RNF43: variants seen among roughly 807,000 people sequenced by gnomAD.
RNF43 encodes E3 ubiquitin-protein ligase RNF43.
Under a neutral mutation model 78.4 loss-of-function variants are expected in RNF43, and 37 were observed. The ratio of observed to expected loss-of-function variants is 0.47; its 90% confidence interval spans 0.36 to 0.62. The LOEUF (loss-of-function observed/expected upper bound fraction) is 0.62, where lower values mean the gene tolerates loss of function less well. Ranked by LOEUF, RNF43 falls within the 20% of genes least tolerant of loss-of-function variation. The pLI is 0.00. For synonymous variants in RNF43, 347 were observed against 395.0 expected (o/e 0.88, Z 1.44); for missense variants, 774 against 1,007.9 (o/e 0.77, Z 3.14).
At chr17:58,356,658 TTC>T (rs1027456525) in intron 9 of RNF43, among the ~76,000 whole-genome samples, 11 of 151,588 alleles carry the variant, frequency 7.3e-5, no homozygotes, top group South Asian at 6.4e-4. Context: ...CACCTGTGGT[TTC>T]TCTCTCTCTC....
At chr17:58,356,272 A>C (rs753583340) in intron 9 of RNF43, among the ~76,000 whole-genome samples, 14 of 152,204 alleles carry the variant, frequency 9.2e-5, no homozygotes, top group Non-Finnish European at 2.1e-4. Flanking sequence ...AATGAATTGG[A>C]TGAGGGCAGC....
chr17:58,397,658 C>T (rs928433100), intron 2 of RNF43, among the ~76,000 whole-genome samples: 3 of 146,806 alleles, frequency 2.0e-5, no homozygotes, highest in Middle Eastern at 3.6e-3. Flanking sequence ...AGTGAAACTC[C>T]GTCTCAAAAA....
chr17:58,405,459 A>G (rs1420449242), intron 2 of RNF43, among the ~76,000 whole-genome samples: 1 of 151,880 alleles, frequency 6.6e-6, no homozygotes, highest in African/African-American at 2.4e-5. Context: ...TTTTTCTTTA[A>G]TCATAGGGAA....
At chr17:58,356,964 G>T (rs917160691) in intron 9 of RNF43, 4 of 456,254 alleles carry the variant, frequency 8.8e-6, no homozygotes, top group Non-Finnish European at 1.6e-5. Flanking sequence ...CGCCATCTTG[G>T]CTCACTGCAA....
Position 58,415,457 on chromosome 17 carries a change from A to T in RNF43, c.121T>A (p.Ser41Thr), listed in dbSNP as rs911308708. 1.9e-6 allele frequency: 3 copies of T among 1,614,180 alleles called. No homozygotes were observed. Among genetic ancestry groups the T allele is most frequent in the Non-Finnish European group, 2.5e-6 (3 of 1,180,030 alleles). ...VLAAAVESERSAEQKAIIRVI... is the reference protein window; with the variant it reads ...VLAAAVESERTAEQKAIIRVI... Reference sequence around the variant, plus strand: ...CTGATAATAGCTTTCTGTTCTGCTGATCTTTCAGACTCCACCGCTGCTGCC... The same window carrying T: ...CTGATAATAGCTTTCTGTTCTGCTGTTCTTTCAGACTCCACCGCTGCTGCC... The change falls in exon 2 of 10, where the codon TCA (serine) becomes ACA (threonine). Residue 41 changes from serine (S) to threonine (T), a missense_variant. Transcript: ENST00000407977.
intron 3 of RNF43, among the ~76,000 whole-genome samples, chr17:58,370,427 T>C (rs976488525): frequency 6.6e-6 from 1 of 152,190 alleles, no homozygotes; most frequent in African/African-American, 2.4e-5. Flanking sequence ...AATATACACA[T>C]TGAAAAGTCG....
At chr17:58,371,175 G>T in intron 2 of RNF43, 142 bp from the exon 3 acceptor site, 1 of 783,636 alleles carries the variant, frequency 1.3e-6, no homozygotes, top group Non-Finnish European at 1.8e-6. Context: ...TGATTGGATT[G>T]CCTCTTAGTA....
At chr17:58,372,861 C>T (rs185425846) in intron 2 of RNF43, among the ~76,000 whole-genome samples, 3 of 152,290 alleles carry the variant, frequency 2.0e-5, no homozygotes, top group African/African-American at 7.2e-5. Context: ...GCAGAGGAAG[C>T]CACTGCACCA....
chr17:58,403,874 T>C (rs1313277828), intron 2 of RNF43, among the ~76,000 whole-genome samples: 1 of 152,196 alleles, frequency 6.6e-6, no homozygotes, highest in African/African-American at 2.4e-5. Flanking sequence ...CCTACTCCTT[T>C]TACTTTCATC....
At chr17:58,407,295 G>A (rs902358789) in intron 2 of RNF43, among the ~76,000 whole-genome samples, 3 of 151,824 alleles carry the variant, frequency 2.0e-5, no homozygotes, top group Non-Finnish European at 4.4e-5. Context: ...GGCCAGGCTG[G>A]TCTCCAACTC....
In RNF43 at chr17:58,353,872, G is replaced by C. The variant is rs1463475784; in HGVS notation, c.*1071C>G. 1 of 186,180 alleles carries C rather than the reference G, an allele frequency of 5.4e-6. No homozygotes were observed. Among genetic ancestry groups the C allele is most frequent in the Non-Finnish European group, 1.1e-5 (1 of 87,846 alleles). 11.5% of individuals were successfully genotyped at this position (186,180 alleles called of 1,614,324 possible). The stretch of plus-strand genomic sequence containing the variant: ...TCACATTCCAAATGGGATAATGCCT[G>C]AGGGGCCAAGAGTGGTCAGGCTGCC... On this transcript the variant is annotated 3_prime_UTR_variant, in exon 10 of 10. Transcript: ENST00000407977.
intron 2 of RNF43, among the ~76,000 whole-genome samples, chr17:58,408,488 C>G (rs1307527085): frequency 6.6e-6 from 1 of 152,082 alleles, no homozygotes; most frequent in South Asian, 2.1e-4. Context: ...GGTTTAAAAT[C>G]AGGACCTGAA....
At chr17:58,353,535 C>T (rs1365186059), downstream of RNF43, 1 of 204,476 alleles carries the variant, frequency 4.9e-6, no homozygotes, top group Non-Finnish European at 1.0e-5. Flanking sequence ...TTGCCAAGCC[C>T]TCTACTCTAC....
At chr17:58,393,756 T>C (rs1439314287) in intron 2 of RNF43, among the ~76,000 whole-genome samples, 1 of 152,180 alleles carries the variant, frequency 6.6e-6, no homozygotes, top group East Asian at 1.9e-4. Context: ...GTGCCCTGAA[T>C]AGAAACACAA....
chr17:58,378,713 A>C (rs1973255950), intron 2 of RNF43, among the ~76,000 whole-genome samples: 1 of 152,174 alleles, frequency 6.6e-6, no homozygotes, highest in African/African-American at 2.4e-5. Flanking sequence ...ATGATTTCTC[A>C]CTTGATTCAG....
chr17:58,401,770 TAA>T (rs1394350558), intron 2 of RNF43, among the ~76,000 whole-genome samples: 1 of 150,852 alleles, frequency 6.6e-6, no homozygotes, highest in Non-Finnish European at 1.5e-5. Context: ...TTCCCCTGTA[TAA>T]ACTAAAGGGA....
At chr17:58,362,109 A>C (rs1222014625) in intron 6 of RNF43, among the ~76,000 whole-genome samples, 3 of 103,552 alleles carry the variant, frequency 2.9e-5, no homozygotes, top group East Asian at 2.0e-4. Context: ...AAACAAACAA[A>C]CAAAAAAAAA....
At chr17:58,355,117 G>A in intron 9 of RNF43, 131 bp from the exon 10 acceptor site, 1 of 843,840 alleles carries the variant, frequency 1.2e-6, no homozygotes, top group Non-Finnish European at 2.0e-6. Flanking sequence ...TGGAAAGGGT[G>A]GTTAGATTGA....
rs756604558 is a variant in RNF43, at chr17:58,358,334, T to G, written c.1442A>C (p.Asn481Thr). 1 of 1,614,172 alleles carries G rather than the reference T, an allele frequency of 6.2e-7. No individual in the cohort carries two copies. The highest frequency in any genetic ancestry group is 8.5e-7 in the Non-Finnish European group (1 of 1,180,020). ...CHGSSSDSVV[N>T]CTDISLQGVH... ...CCCCTGTAGGCTGATGTCCGTGCAG[T>G]TGACCACAGAGTCACTGGAAGAGCC... Residue 481 changes from asparagine (N) to threonine (T), a missense_variant, in exon 9 of 10, where the codon AAC becomes ACC. Transcript: ENST00000407977. This position sits in a 1 kb window ranked among gnomAD's most constrained non-coding sequence, Gnocchi z 6.2.
Sources: gnomAD v4.1 joint callset for allele counts (sites outside exome capture counted in the v4.1 genomes callset) on GRCh38, gnomAD v4.1.1 for gene constraint, Gnocchi (gnomAD v3.1) non-coding constraint, MANE v1.5 for transcripts, NCBI Gene and HGNC (gene_info 2026-07-23, HGNC 2026-07-21) for gene names.